The following CSMD1 variants were observed in gnomAD, a reference collection of about 807,000 sequenced individuals.
CSMD1 encodes the protein CUB and Sushi multiple domains 1.
A neutral mutation model predicts 417.5 loss-of-function variants in CSMD1; 213 were observed. The observed-to-expected ratio is 0.51, with a 90% confidence interval of 0.46 to 0.57. CSMD1 has a LOEUF of 0.57. Ranked by LOEUF, CSMD1 falls within the 20% of genes least tolerant of loss-of-function variation. The pLI, the probability that CSMD1 is intolerant of heterozygous loss-of-function variation, is 0.00. For synonymous variants in CSMD1, 2,862 were observed against 1,736.8 expected (o/e 1.65, Z -16.11); for missense variants, 6,923 against 4,529.7 (o/e 1.53, Z -15.17).
Position 4,031,920 on chromosome 8 carries a change from C to A in CSMD1, c.595G>T (p.Ala199Ser), listed in dbSNP as rs373086386. Reference sequence around the variant, plus strand: ...AGCACTGTACCTCTGCAAAAGGGAGCTGGGAAGTCCCACGATGCACCATTT... The same window carrying A: ...AGCACTGTACCTCTGCAAAAGGGAGATGGGAAGTCCCACGATGCACCATTT... ...PGNGASWDFP[A>S]PFCRAEGACG... is the part of the protein sequence containing the mutation. Residue 199 changes from alanine to serine, a missense_variant, in exon 4 of 70, where the codon GCT (alanine) becomes TCT (serine). Ala to Ser is a moderately conservative substitution (Grantham distance 99). Transcript: ENST00000635120. 6.2e-7 allele frequency: 1 copy of A among 1,613,290 alleles called. No individual in the cohort carries two copies. The highest frequency in any genetic ancestry group is 1.3e-5 in the African/African-American group (1 of 74,886).
chr8:4,015,917 C>A (rs1472158881), intron 4 of CSMD1, among the ~76,000 whole-genome samples: 2 of 152,072 alleles, frequency 1.3e-5, no homozygotes, highest in African/African-American at 4.8e-5. Flanking sequence ...CAAATGGCAA[C>A]AAACAACAAA....
At chr8:4,633,566 G>GT (rs1563353519) in intron 2 of CSMD1, among the ~76,000 whole-genome samples, 1 of 145,370 alleles carries the variant, frequency 6.9e-6, no homozygotes, top group African/African-American at 2.6e-5. Flanking sequence ...TTTTTCTTTT[G>GT]TTTTGTTTGA....
intron 3 of CSMD1, among the ~76,000 whole-genome samples, chr8:4,198,575 A>G (rs1799473122): frequency 6.6e-6 from 1 of 152,108 alleles, no homozygotes; most frequent in Non-Finnish European, 1.5e-5. Context: ...TGCACAAGGA[A>G]TTTTTCAGCG....
intron 68 of CSMD1, among the ~76,000 whole-genome samples, chr8:2,943,083 C>A (rs986028308): frequency 1.3e-5 from 2 of 152,156 alleles, no homozygotes; most frequent in Non-Finnish European, 1.5e-5. Flanking sequence ...ATGGTGTCAT[C>A]TGTCTTTATT....
At chr8:3,609,865 C>G (rs780220862) in intron 8 of CSMD1, among the ~76,000 whole-genome samples, 34 of 118,966 alleles carry the variant, frequency 2.9e-4, no homozygotes, top group Non-Finnish European at 4.9e-4. Context: ...GTCCCCCAGG[C>G]TGAAGTGAAG....
At chr8:3,946,137 C>T (rs142467598) in intron 5 of CSMD1, among the ~76,000 whole-genome samples, 1 of 152,084 alleles carries the variant, frequency 6.6e-6, no homozygotes, top group African/African-American at 2.4e-5. Flanking sequence ...CACATGATCT[C>T]ACATAATCCC....
rs1232493434 is a variant in CSMD1 at position 4,564,461 on chromosome 8, C to T, written c.302+72881G>A. On this transcript the variant is annotated intron_variant, in intron 2 of 69. Transcript: ENST00000635120. ...AGGGGATCTAGTGTCTGGTGAGGGG[C>T]CTGATCCTGGTTCAGGGACACACAT... 5.9e-5 allele frequency among the ~76,000 whole-genome samples: 9 copies of T among 152,232 alleles called. No homozygotes were observed. The East Asian group carries it at 1.5e-3, about 26-fold the overall frequency.
chr8:3,831,176 C>T (rs1585059467), intron 5 of CSMD1, among the ~76,000 whole-genome samples: 1 of 152,234 alleles, frequency 6.6e-6, no homozygotes, highest in Admixed American at 6.5e-5. Flanking sequence ...TCTAGAGACT[C>T]TACATTGATG....
rs1308425306 is a variant in CSMD1, at chr8:3,795,651, ATATC to A, written c.819-41613_819-41610del. On this transcript the variant is annotated intron_variant, in intron 5 of 69. Coordinates refer to ENST00000635120, the MANE Select transcript of CSMD1 (RefSeq NM_033225.6). The stretch of plus-strand genomic sequence containing the variant: ...ATCTATCATGTATAGATATAGATAT[ATATC>A]TATCATAGATATAGATATATATCTA... Among the ~76,000 whole-genome samples, 17 of 35,914 alleles carry A rather than the reference ATATC, an allele frequency of 4.7e-4. 7 individuals are homozygous for A. The highest frequency in any genetic ancestry group is 7.0e-4 in the Non-Finnish European group (14 of 20,034). The allele number at this position is 35,914 out of a possible 152,430, so 23.6% of individuals were successfully genotyped here.
intron 3 of CSMD1, among the ~76,000 whole-genome samples, chr8:4,121,349 A>C (rs1802477401): frequency 6.6e-6 from 1 of 152,210 alleles, no homozygotes; most frequent in South Asian, 2.1e-4. Flanking sequence ...TCCTGACCTC[A>C]GATGATCCAC....
At chr8:4,720,442 G>A (rs1475104757) in intron 1 of CSMD1, among the ~76,000 whole-genome samples, 1 of 152,036 alleles carries the variant, frequency 6.6e-6, no homozygotes, top group Non-Finnish European at 1.5e-5. Flanking sequence ...TTTTGAGATG[G>A]AGTCTTGCTC....
chr8:3,457,791 A>G (rs1816251504), intron 12 of CSMD1, among the ~76,000 whole-genome samples: 1 of 152,216 alleles, frequency 6.6e-6, no homozygotes, highest in Non-Finnish European at 1.5e-5. Context: ...GAAAGGAAAA[A>G]ACCTGTTTGT....
intron 6 of CSMD1, among the ~76,000 whole-genome samples, chr8:3,722,222 T>C (rs1362026012): frequency 3.9e-5 from 6 of 151,942 alleles, no homozygotes; most frequent in South Asian, 2.1e-4. Context: ...GGCAGGAGAA[T>C]TGCTTGACCA....
chr8:3,249,388 A>T (rs1195576018), intron 26 of CSMD1, among the ~76,000 whole-genome samples: 2 of 151,958 alleles, frequency 1.3e-5, no homozygotes, highest in African/African-American at 4.8e-5. Context: ...ACGCTCGGCT[A>T]TTTTTTTGTA....
intron 11 of CSMD1, among the ~76,000 whole-genome samples, chr8:3,493,344 A>T (rs1184426037): frequency 2.7e-5 from 4 of 150,638 alleles, no homozygotes. Flanking sequence ...TGAAAAATTT[A>T]TTGTTTTTTG....
At chr8:3,580,808 G>C (rs889643411) in intron 9 of CSMD1, among the ~76,000 whole-genome samples, 1 of 152,060 alleles carries the variant, frequency 6.6e-6, no homozygotes, top group African/African-American at 2.4e-5. Context: ...GTCATCTTTC[G>C]GGGTAAATGA....
At chr8:3,314,844 C>G (rs1242288395) in intron 23 of CSMD1, among the ~76,000 whole-genome samples, 1 of 152,214 alleles carries the variant, frequency 6.6e-6, no homozygotes, top group Admixed American at 6.5e-5. Context: ...ACTTGTGTTT[C>G]AAGAGAACCG....
At chr8:3,674,212 A>G (rs544415769) in intron 7 of CSMD1, among the ~76,000 whole-genome samples, 1 of 152,348 alleles carries the variant, frequency 6.6e-6, no homozygotes, top group East Asian at 1.9e-4. Context: ...CTCTAGAATT[A>G]TCAAAAGCAG....
At chr8:3,234,835 T>C (rs888303620) in intron 26 of CSMD1, among the ~76,000 whole-genome samples, 3 of 152,242 alleles carry the variant, frequency 2.0e-5, no homozygotes, top group Non-Finnish European at 2.9e-5. Flanking sequence ...GTACCCTTCC[T>C]GAACCAGCAT....
Sources: allele counts gnomAD v4.1 joint callset (sites outside exome capture counted in the v4.1 genomes callset), GRCh38; gene constraint gnomAD v4.1.1; transcripts MANE v1.5; gene names NCBI Gene and HGNC (gene_info 2026-07-23, HGNC 2026-07-21).